RNF128: variants seen among roughly 807,000 people sequenced by gnomAD.
The protein encoded by RNF128 is E3 ubiquitin-protein ligase RNF128.
RNF128 carries 13 observed loss-of-function variants against 26.2 expected under a neutral mutation model. The observed-to-expected ratio is 0.50, with a 90% CI of 0.32 to 0.79. RNF128 has a LOEUF of 0.79. Among genes scored for constraint, RNF128 ranks in the 30% least tolerant of loss-of-function variants. The pLI is 0.03. For synonymous variants in RNF128, 149 were observed against 142.5 expected, an observed-to-expected ratio of 1.05 and a Z score of -0.32; for missense variants, 315 against 349.7, an observed-to-expected ratio of 0.90 and a Z score of 0.79.
At chrX:106,702,775 T>G (rs1928980900) in intron 1 of RNF128, among the ~76,000 whole-genome samples, 1 of 111,952 alleles carries the variant, frequency 8.9e-6, no homozygotes, top group South Asian at 3.7e-4. Flanking sequence ...AACAGATTTC[T>G]TACTGGTGAT....
At chrX:106,694,257 T>G in exon 1 of RNF128, 6 of 1,211,082 alleles carry the variant, frequency 5.0e-6, no homozygotes, top group Non-Finnish European at 6.7e-6. Context: ...CTGAGTTTAG[T>G]AATACTAAGA....
At chrX:106,726,644 C>T, upstream of RNF128, 1 of 968,587 alleles carries the variant, frequency 1.0e-6, no homozygotes, top group Non-Finnish European at 1.3e-6. Context: ...GCCACCTCTA[C>T]CCCCAGTCGG....
chrX:106,708,559 T>TA (rs1213373120), intron 1 of RNF128, among the ~76,000 whole-genome samples: 2 of 112,056 alleles, frequency 1.8e-5, no homozygotes, highest in Admixed American at 1.9e-4. Flanking sequence ...GGTTAGCACT[T>TA]AGAGGAGTGA....
At chrX:106,718,296 G>C (rs1290819698) in intron 1 of RNF128, among the ~76,000 whole-genome samples, 1 of 111,021 alleles carries the variant, frequency 9.0e-6, no homozygotes, top group Non-Finnish European at 1.9e-5. Flanking sequence ...AGAGCTTCAG[G>C]GTTTCAATTT....
At position 106,785,883 on chromosome X, in the gene RNF128, CA is replaced by C. The variant is rs754209164; in HGVS notation, c.804+748del. Among the ~76,000 whole-genome samples, 513 of 111,804 alleles carry C rather than the reference CA, an allele frequency of 4.6e-3. 3 individuals carry two copies. Among genetic ancestry groups the C allele is most frequent in the African/African-American group, 0.016 (490 of 30,856 alleles). Reference sequence around the variant, plus strand: ...ACACCATTTTAAATCTTACCAAAGTCATGAAACTGTAAAACACTAATGAAAG... The same window carrying C: ...ACACCATTTTAAATCTTACCAAAGTCTGAAACTGTAAAACACTAATGAAAG... On this transcript the variant is annotated intron_variant, in intron 3 of 6. Coordinates refer to ENST00000255499, the MANE Select transcript of RNF128 (RefSeq NM_194463.2).
intron 1 of RNF128, among the ~76,000 whole-genome samples, chrX:106,702,163 C>A (rs1811101384): frequency 9.0e-6 from 1 of 110,704 alleles, no homozygotes; most frequent in South Asian, 3.8e-4. Flanking sequence ...ATAAGGAAAT[C>A]AAGATATAGT....
intron 4 of RNF128, among the ~76,000 whole-genome samples, chrX:106,788,366 A>T (rs200236070): frequency 1.2e-3 from 57 of 48,050 alleles, no homozygotes; most frequent in African/African-American, 4.4e-3. Flanking sequence ...ACTATATATA[A>T]TATATATTAT....
chrX:106,726,888 C>T lies in RNF128; in HGVS notation c.-26C>T, dbSNP rs1237418323. The stretch of plus-strand genomic sequence containing the variant: ...GCTAGGAGGGCGCGTGCCAGGGGCG[C>T]TAGGGAACTGCGGAGCGCGCGCGCC... On this transcript the variant is annotated 5_prime_UTR_variant, in exon 1 of 7. Coordinates refer to ENST00000255499, the MANE Select transcript of RNF128 (RefSeq NM_194463.2). 1 of 1,151,345 alleles carries T rather than the reference C, an allele frequency of 8.7e-7. No individual in the cohort carries two copies. Among genetic ancestry groups the T allele is most frequent in the Admixed American group, 2.7e-5 (1 of 36,862 alleles). 94.9% of individuals were successfully genotyped at this position (1,151,345 alleles called of 1,213,427 possible).
chrX:106,757,557 G>A (rs1156608516), intron 1 of RNF128, among the ~76,000 whole-genome samples: 1 of 75,713 alleles, frequency 1.3e-5, no homozygotes, highest in Non-Finnish European at 2.5e-5. Context: ...ACACAGGAAG[G>A]GGAATATCAC....
chrX:106,720,918 T>C (rs1929299593), intron 1 of RNF128, among the ~76,000 whole-genome samples: 1 of 111,620 alleles, frequency 9.0e-6, no homozygotes. Context: ...ATGAAAAGAT[T>C]GTTCTTAGTT....
intron 4 of RNF128, among the ~76,000 whole-genome samples, chrX:106,788,763 T>C (rs1256791036): frequency 2.8e-5 from 2 of 72,241 alleles, no homozygotes; most frequent in Non-Finnish European, 4.7e-5. Context: ...CTATATAATA[T>C]ATATACTATA....
At chrX:106,793,321 G>A (rs1044369981) in intron 6 of RNF128, among the ~76,000 whole-genome samples, 8 of 111,270 alleles carry the variant, frequency 7.2e-5, no homozygotes, top group African/African-American at 2.6e-4. Flanking sequence ...GTACCTCAGA[G>A]CAACTGTGAT....
chrX:106,775,241 G>A (rs1381280923), intron 2 of RNF128, among the ~76,000 whole-genome samples: 2 of 112,208 alleles, frequency 1.8e-5, no homozygotes, highest in Non-Finnish European at 3.8e-5. Context: ...TTGGTGTCCA[G>A]TGTGACTAAC....
chrX:106,700,831 C>T (rs1928946428), intron 1 of RNF128, among the ~76,000 whole-genome samples: 1 of 111,900 alleles, frequency 8.9e-6, no homozygotes, highest in Non-Finnish European at 1.9e-5. Context: ...AGCTACTCAA[C>T]AATAGGAACT....
intron 1 of RNF128, among the ~76,000 whole-genome samples, chrX:106,757,912 A>T (rs944827412): frequency 9.0e-6 from 1 of 111,497 alleles, no homozygotes; most frequent in Non-Finnish European, 1.9e-5. Flanking sequence ...TACCACTGTT[A>T]TGCAACGTAG....
chrX:106,792,098 C>G (rs1234669758), intron 6 of RNF128, among the ~76,000 whole-genome samples: 1 of 110,681 alleles, frequency 9.0e-6, no homozygotes, highest in East Asian at 2.8e-4. Flanking sequence ...TGAATATAAC[C>G]ACACAAAGGC....
intron 1 of RNF128, among the ~76,000 whole-genome samples, chrX:106,765,818 T>C (rs749924401): frequency 1.8e-5 from 2 of 110,943 alleles, no homozygotes; most frequent in African/African-American, 6.6e-5. Flanking sequence ...CTGCACCCAT[T>C]AACTAACTCG....
At chrX:106,775,814 G>A (rs1198721096) in intron 2 of RNF128, among the ~76,000 whole-genome samples, 1 of 111,331 alleles carries the variant, frequency 9.0e-6, no homozygotes, top group Non-Finnish European at 1.9e-5. Context: ...TGGAAATTTG[G>A]CTTCATTAGA....
intron 1 of RNF128, among the ~76,000 whole-genome samples, chrX:106,749,635 G>A (rs1445288384): frequency 8.9e-6 from 1 of 112,228 alleles, no homozygotes; most frequent in Non-Finnish European, 1.9e-5. Flanking sequence ...GCCAGCCATG[G>A]TAGTTCACAC....
Sources: gnomAD v4.1 joint callset for allele counts (sites outside exome capture counted in the v4.1 genomes callset) on GRCh38, gnomAD v4.1.1 for gene constraint, MANE v1.5 for transcripts, NCBI Gene and HGNC (gene_info 2026-07-23, HGNC 2026-07-21) for gene names.